Variants in RIPK3 observed in about 807,000 individuals in gnomAD.
RIPK3 encodes the protein receptor interacting serine/threonine kinase 3.
In RIPK3, 51 loss-of-function variants were observed where a neutral mutation model predicts 51.6. The observed-to-expected ratio is 0.99, with a 90% CI of 0.79 to 1.25. The LOEUF (loss-of-function observed/expected upper bound fraction) is 1.25. RIPK3 is among the 50% of genes most tolerant of loss of function. The pLI is 0.00. For synonymous variants in RIPK3, 246 were observed against 257.7 expected (o/e 0.95, Z 0.44); for missense variants, 654 against 650.4 (o/e 1.01, Z -0.06).
rs1046877212 is a variant in RIPK3, at chr14:24,338,124, T to A, written c.665-84A>T. Reference sequence around the variant, plus strand: ...CTTCATCATGGAAAGAGGCAGGGAGTGTAATGTGGGGGCACGAGGAGGGAG... The same window carrying A: ...CTTCATCATGGAAAGAGGCAGGGAGAGTAATGTGGGGGCACGAGGAGGGAG... On this transcript the variant is annotated intron_variant, in intron 5 of 9. Transcript: ENST00000216274. 3.1e-6 allele frequency: 5 copies of A among 1,602,340 alleles called. No homozygotes were observed. In the African/African-American group the frequency reaches 5.4e-5, roughly 17 times the overall value.
At position 24,336,544 on chromosome 14, in the gene RIPK3, G is replaced by T; in HGVS notation, c.1337-149C>A. On this transcript the variant is annotated intron_variant, in intron 9 of 9. Transcript: ENST00000216274. ...CCCCTCAGAGCTCCTCTCCAGAATT[G>T]TGTTAGCAGAAGCTCTAGAGAGTGG... is the stretch of plus-strand genomic sequence containing the variant. 4 of 1,158,490 alleles carry T rather than the reference G, an allele frequency of 3.5e-6. No homozygotes were observed. The South Asian group carries it at 4.7e-5, about 14-fold the overall frequency. 71.8% of individuals were successfully genotyped at this position (1,158,490 alleles called of 1,614,324 possible).
Position 24,336,413 on chromosome 14 carries a change from A to G in RIPK3, c.1337-18T>C. On this transcript the variant is annotated intron_variant, in intron 9 of 9. Transcript: ENST00000216274. Reference sequence around the variant, plus strand: ...CGGTCGCCCTTTAAGAGAAATAGTGATGGTGGCAGGAGGGTTTAGCTGTCA... The same window carrying G: ...CGGTCGCCCTTTAAGAGAAATAGTGGTGGTGGCAGGAGGGTTTAGCTGTCA... 6.2e-7 allele frequency: 1 copy of G among 1,608,340 alleles called. No homozygotes were observed. Among genetic ancestry groups the G allele is most frequent in the Middle Eastern group, 1.7e-4 (1 of 6,046 alleles).
At chr14:24,338,615 G>A in intron 3 of RIPK3, 48 bp from the exon 4 acceptor site, 1 of 1,560,566 alleles carries the variant, frequency 6.4e-7, no homozygotes, top group Non-Finnish European at 8.7e-7. Context: ...AAGGGGGCCA[G>A]AGAGCCTCCA....
Position 24,337,920 on chromosome 14 carries a change from A to G in RIPK3, c.785T>C (p.Met262Thr), listed in dbSNP as rs761571685. The change falls in exon 6 of 10, where the codon ATG (methionine) becomes ACG (threonine). Residue 262 changes from methionine (M) to threonine (T), a missense_variant. Met to Thr is a moderately conservative substitution (Grantham distance 81). Transcript: ENST00000216274. ...GGGCTCACTGCTCCAGCAGAGCTGC[A>G]TTAGCTCCTTCAGTCCTTCTAAGCC... The part of the protein sequence containing the change: ...TPGLEGLKEL[M>T]QLCWSSEPKD... 4.3e-6 allele frequency: 7 copies of G among 1,614,078 alleles called. No individual in the cohort carries two copies. The African/African-American group carries it at 8.0e-5, about 18-fold the overall frequency.
Position 24,336,228 on chromosome 14 carries a change from C to T in RIPK3, c.1504G>A (p.Asp502Asn), listed in dbSNP as rs200695583. ...PPVGSQEGPK[D>N]PEAWSRPQGW... ...TGTGGCCTGCTCCAGGCTTCAGGAT[C>T]TTTAGGGCCTTCTTGCGAACCTACT... is the stretch of plus-strand genomic sequence containing the variant. The change falls in exon 10 of 10, where the codon GAT becomes AAT. Residue 502 changes from aspartate (D) to asparagine (N), a missense_variant. Transcript: ENST00000216274. The T allele has an allele frequency of 1.2e-6, 2 of 1,614,074 alleles. No homozygotes were observed. The highest frequency in any genetic ancestry group is 4.5e-5 in the East Asian group (2 of 44,878).
In RIPK3 at chr14:24,336,379, G is replaced by A. The variant is rs2042134735; in HGVS notation, c.1353C>T (p.Asn451=). The change falls in exon 10 of 10, where the codon AAC becomes AAT. Residue 451 remains asparagine (N), a synonymous_variant. Transcript: ENST00000216274. ...PNPVTGRPLV[N]IYNCSGVQVG... ...CTTGCACCCCAGAGCAGTTGTATAT[G>A]TTAACGAGCGGTCGCCCTTTAAGAG... 1 of 1,613,438 alleles carries A rather than the reference G, an allele frequency of 6.2e-7. No homozygotes were observed. The highest frequency in any genetic ancestry group is 8.5e-7 in the Non-Finnish European group (1 of 1,179,924).
At position 24,339,816 on chromosome 14, in the gene RIPK3, A is replaced by G. The variant is rs772983205; in HGVS notation, c.11T>C (p.Val4Ala). The stretch of plus-strand genomic sequence containing the variant: ...GCCACTCCCTACTCACCATAACTTG[A>G]CGCACGACATCAGGCTGGAAGGTGC... MSCVKLWPSGAPAP... is the reference protein window; with the variant it reads MSCAKLWPSGAPAP... The change falls in exon 1 of 10, where the codon GTC becomes GCC. Residue 4 changes from valine (V) to alanine (A), a missense_variant. Val to Ala is a moderately conservative substitution (Grantham distance 64, BLOSUM62 0). Coordinates refer to ENST00000216274, the MANE Select transcript of RIPK3 (RefSeq NM_006871.4). The surrounding 1 kb of genome is among the most constrained non-coding windows in gnomAD (Gnocchi z 4.0). 1.3e-6 allele frequency: 2 copies of G among 1,574,406 alleles called. No homozygotes were observed. The highest frequency in any genetic ancestry group is 1.7e-6 in the Non-Finnish European group (2 of 1,162,612).
chr14:24,339,000 T>C lies in RIPK3; in HGVS notation c.471+15A>G, dbSNP rs1346228932. The stretch of plus-strand genomic sequence containing the variant: ...GGCCTTGTCTTGAGGCTGAGAGGGG[T>C]GTAGACCAGCTGACCTTGACGTGCA... On this transcript the variant is annotated intron_variant, in intron 3 of 9. Transcript: ENST00000216274. 2.5e-6 allele frequency: 4 copies of C among 1,604,930 alleles called. No homozygotes were observed. The highest frequency in any genetic ancestry group is 2.2e-5 in the East Asian group (1 of 44,784).
intron 5 of RIPK3, 59 bp downstream of exon 5, chr14:24,338,190 G>C (rs562212805): frequency 2.0e-6 from 3 of 1,535,806 alleles, no homozygotes; most frequent in South Asian, 2.5e-5. Context: ...GGAAGCCTTG[G>C]GGCTTTCAAG....
chr14:24,336,836 T>C, intron 9 of RIPK3, 49 bp downstream of exon 9: 1 of 1,495,932 alleles, frequency 6.7e-7, no homozygotes, highest in Non-Finnish European at 9.3e-7. Context: ...GGAGGAGGAG[T>C]CTGGTGGAAG....
rs766467297 is a variant in RIPK3, at chr14:24,339,484, T to C, written c.134A>G (p.Tyr45Cys). The change falls in exon 2 of 10, where the codon TAC (tyrosine) becomes TGC (cysteine). Residue 45 changes from tyrosine to cysteine, a missense_variant. Coordinates refer to ENST00000216274, the MANE Select transcript of RIPK3 (RefSeq NM_006871.4). The surrounding 1 kb of genome is among the most constrained non-coding windows in gnomAD (Gnocchi z 4.0). ...VFRAQHRKWGYDVAVKIVNSK... is the reference protein window; with the variant it reads ...VFRAQHRKWGCDVAVKIVNSK... ...GTTTACGATCTTGACCGCCACATCG[T>C]AGCCCCACTTCCTATGTTGCGCCCG... 1.9e-6 allele frequency: 3 copies of C among 1,614,226 alleles called. No individual in the cohort carries two copies. The highest frequency in any genetic ancestry group is 1.7e-6 in the Non-Finnish European group (2 of 1,180,030).
At chr14:24,336,717 G>T (rs1217805022) in intron 9 of RIPK3, 168 bp downstream of exon 9, 3 of 755,424 alleles carry the variant, frequency 4.0e-6, no homozygotes, top group African/African-American at 3.4e-5. Flanking sequence ...ACCTCAGAGG[G>T]CTCCTTTCTC....
Position 24,337,682 on chromosome 14 carries a change from T to A in RIPK3, c.900+13A>T. ...CTGACCAGCTCCTGGGGAGGGGTGA[T>A]GTTGGCACTCACCGTGGAGACAGCA... On this transcript the variant is annotated intron_variant, in intron 7 of 9. Coordinates refer to ENST00000216274, the MANE Select transcript of RIPK3 (RefSeq NM_006871.4). The A allele has an allele frequency of 6.3e-7, 1 of 1,597,044 alleles. No homozygotes were observed. The highest frequency in any genetic ancestry group is 1.3e-5 in the African/African-American group (1 of 74,672).
In RIPK3 at chr14:24,336,188, T is replaced by C; in HGVS notation, c.1544A>G (p.His515Arg). 8 of 1,612,646 alleles carry C rather than the reference T, an allele frequency of 5.0e-6. No homozygotes were observed. The highest frequency in any genetic ancestry group is 1.1e-5 in the South Asian group (1 of 90,980). The change falls in exon 10 of 10, where the codon CAT becomes CGT. Residue 515 changes from histidine (H) to arginine (R), a missense_variant. Physicochemically the swap from His to Arg is conservative, Grantham distance 29. Coordinates refer to ENST00000216274, the MANE Select transcript of RIPK3 (RefSeq NM_006871.4). The stretch of plus-strand genomic sequence containing the variant: ...TTGGAAGGTGCTTTATTTCCCGCTA[T>C]GATTATACCAACCCTGTGGCCTGCT... ...AWSRPQGWYN[H>R]SGK
rs2042171576 is a variant in RIPK3 at position 24,339,709 on chromosome 14, C to T, written c.20+98G>A. 2 of 1,579,020 alleles carry T rather than the reference C, an allele frequency of 1.3e-6. No individual in the cohort carries two copies. The highest frequency in any genetic ancestry group is 1.2e-5 in the South Asian group (1 of 86,216). ...ATCCCCAGCCTCCCTCGCCGGCCCC[C>T]ACCGTCCCCGGACTCAAAGACGTTC... On this transcript the variant is annotated intron_variant, in intron 1 of 9. Transcript: ENST00000216274. This position sits in a 1 kb window ranked among gnomAD's most constrained non-coding sequence, Gnocchi z 4.0.
Position 24,338,412 on chromosome 14 carries a change from G to A in RIPK3, c.617+10C>T. 1 of 1,605,234 alleles carries A rather than the reference G, an allele frequency of 6.2e-7. No individual in the cohort carries two copies. The highest frequency in any genetic ancestry group is 1.1e-5 in the South Asian group (1 of 90,710). ...GAATCCTGGCTGTGTGTTTGGGCCGGGATCCTTACCTGTAGACGTCACTGG... is the reference window on the plus strand; with the variant it reads ...GAATCCTGGCTGTGTGTTTGGGCCGAGATCCTTACCTGTAGACGTCACTGG... On this transcript the variant is annotated intron_variant, in intron 4 of 9. Transcript: ENST00000216274.
rs774596662 is a variant in RIPK3, at chr14:24,338,411, G to A, written c.617+11C>T. 2.9e-5 allele frequency: 47 copies of A among 1,604,634 alleles called. No individual in the cohort carries two copies. The Middle Eastern group carries it at 5.0e-4, about 17-fold the overall frequency. ...GGAATCCTGGCTGTGTGTTTGGGCC[G>A]GGATCCTTACCTGTAGACGTCACTG... On this transcript the variant is annotated intron_variant, in intron 4 of 9. Transcript: ENST00000216274.
rs936260760 is a variant in RIPK3, at chr14:24,339,557, G to T, written c.61C>A (p.Leu21Met). The T allele has an allele frequency of 3.1e-6, 5 of 1,613,978 alleles. No individual in the cohort carries two copies. The African/African-American group carries it at 6.7e-5, about 22-fold the overall frequency. Residue 21 changes from leucine (L) to methionine (M), a missense_variant, in exon 2 of 10, where the codon CTG becomes ATG. Physicochemically the swap from Leu to Met is conservative, Grantham distance 15. Coordinates refer to ENST00000216274, the MANE Select transcript of RIPK3 (RefSeq NM_006871.4). The surrounding 1 kb of genome is among the most constrained non-coding windows in gnomAD (Gnocchi z 4.0). ...TTGCCGACGAGCTCCTGGTTCTCCA[G>T]TTCCTCGATGGACACCAAGGGGGCG... ...APAPLVSIEE[L>M]ENQELVGKGG... is the part of the protein sequence containing the mutation.
In RIPK3 at chr14:24,339,097, T is replaced by G. The variant is rs761359980; in HGVS notation, c.389A>C (p.Tyr130Ser). 1.2e-6 allele frequency: 2 copies of G among 1,614,082 alleles called. No individual in the cohort carries two copies. The highest frequency in any genetic ancestry group is 2.2e-5 in the South Asian group (2 of 91,082). The change falls in exon 3 of 10, where the codon TAC becomes TCC. Residue 130 changes from tyrosine to serine, a missense_variant. By Grantham distance (144) the Tyr-to-Ser change is moderately radical (BLOSUM62 -2). Transcript: ENST00000216274. The surrounding 1 kb of genome is among the most constrained non-coding windows in gnomAD (Gnocchi z 4.0). ...LLKEVVLGMF[Y>S]LHDQNPVLLH... ...GAGCACCGGGTTCTGGTCGTGCAGG[T>G]AAAACATCCCAAGCACCACTTCTTT... is the stretch of plus-strand genomic sequence containing the variant.
Sources: allele counts gnomAD v4.1 joint callset, GRCh38; gene constraint gnomAD v4.1.1; non-coding constraint Gnocchi (gnomAD v3.1); transcripts MANE v1.5; gene names NCBI Gene and HGNC (gene_info 2026-07-23, HGNC 2026-07-21).